Variants in PRTFDC1 observed in about 807,000 individuals in gnomAD.
PRTFDC1 encodes phosphoribosyl transferase domain containing 1.
Under a neutral mutation model 34.6 loss-of-function variants are expected in PRTFDC1, and 38 were observed. The observed-to-expected ratio is 1.10, with a 90% CI of 0.85 to 1.44. The LOEUF is 1.44. Ranked by LOEUF, PRTFDC1 falls within the 40% of genes most tolerant of loss-of-function variation. The pLI is 0.00. For missense variants in PRTFDC1, 270 were observed against 283.0 expected (o/e 0.95, Z 0.33); for synonymous variants, 93 against 98.1 (o/e 0.95, Z 0.31).
chr10:24,921,992 G>A (rs1383241882), intron 3 of PRTFDC1, among the ~76,000 whole-genome samples: 3 of 151,936 alleles, frequency 2.0e-5, no homozygotes, highest in Non-Finnish European at 4.4e-5. Context: ...ATTGTCAAAG[G>A]CATTATTTTT....
intron 3 of PRTFDC1, among the ~76,000 whole-genome samples, chr10:24,918,967 G>A (rs1018254429): frequency 6.6e-6 from 1 of 152,002 alleles, no homozygotes; most frequent in Non-Finnish European, 1.5e-5. Context: ...CCCCATTCTC[G>A]GCCAGCTCTA....
chr10:24,951,181 C>A (rs1218291382), intron 1 of PRTFDC1, among the ~76,000 whole-genome samples: 1 of 152,140 alleles, frequency 6.6e-6, no homozygotes, highest in Non-Finnish European at 1.5e-5. Flanking sequence ...TCAAAGGTCA[C>A]CGCAGAGAGG....
At chr10:24,901,646 T>G (rs1848451637) in intron 3 of PRTFDC1, among the ~76,000 whole-genome samples, 1 of 152,134 alleles carries the variant, frequency 6.6e-6, no homozygotes, top group Admixed American at 6.6e-5. Flanking sequence ...AAAGGATCGC[T>G]TGAGCCTGGT....
chr10:24,950,299 AT>A (rs939689363), intron 1 of PRTFDC1, among the ~76,000 whole-genome samples: 2 of 151,730 alleles, frequency 1.3e-5, no homozygotes, highest in South Asian at 2.1e-4. Flanking sequence ...CCAATTTCAG[AT>A]TTTTTTTCCT....
intron 1 of PRTFDC1, among the ~76,000 whole-genome samples, chr10:24,943,997 A>C (rs545168396): frequency 6.6e-6 from 1 of 152,240 alleles, no homozygotes; most frequent in South Asian, 2.1e-4. Context: ...AATGGTTTGC[A>C]GTCAAGTCAG....
At chr10:24,883,438 AGCTACAG>A (rs1410120261) in intron 3 of PRTFDC1, among the ~76,000 whole-genome samples, 17 of 152,234 alleles carry the variant, frequency 1.1e-4, no homozygotes, top group Non-Finnish European at 1.3e-4. Flanking sequence ...AATGGGAAGA[AGCTACAG>A]GCTAGTGGGA....
intron 3 of PRTFDC1, among the ~76,000 whole-genome samples, chr10:24,877,313 C>T (rs571154911): frequency 1.6e-4 from 24 of 151,996 alleles, no homozygotes; most frequent in African/African-American, 4.8e-4. Flanking sequence ...GGATTATGGC[C>T]GTGAGCCATC....
At chr10:24,866,348 G>A (rs1847774787) in intron 4 of PRTFDC1, among the ~76,000 whole-genome samples, 1 of 138,588 alleles carries the variant, frequency 7.2e-6, no homozygotes, top group Non-Finnish European at 1.5e-5. Context: ...GCGATAGAGC[G>A]AGATTCTGCC....
At chr10:24,912,020 G>A (rs1315925213) in intron 3 of PRTFDC1, among the ~76,000 whole-genome samples, 8 of 152,052 alleles carry the variant, frequency 5.3e-5, no homozygotes, top group Non-Finnish European at 7.4e-5. Context: ...TGTAATCCCA[G>A]CACTTTGGGA....
chr10:24,855,368 C>T lies in PRTFDC1; in HGVS notation c.507-4G>A. 1.2e-6 allele frequency: 2 copies of T among 1,613,900 alleles called. No homozygotes were observed. The highest frequency in any genetic ancestry group is 1.7e-6 in the Non-Finnish European group (2 of 1,179,898). On this transcript the variant is annotated splice_polypyrimidine_tract_variant and splice_region_variant and intron_variant, in intron 6 of 8. Transcript: ENST00000320152. ...GGATGTTCTCTTCACCAACAAACTA[C>T]CATTAAAAAAGACATGCTTTAGTGA...
At chr10:24,904,909 A>G (rs972919624) in intron 3 of PRTFDC1, among the ~76,000 whole-genome samples, 3 of 152,010 alleles carry the variant, frequency 2.0e-5, no homozygotes, top group African/African-American at 4.8e-5. Context: ...TTTCACTTTT[A>G]TCTCTTATCA....
intron 3 of PRTFDC1, among the ~76,000 whole-genome samples, chr10:24,915,985 G>A (rs1018925689): frequency 5.3e-5 from 8 of 152,028 alleles, no homozygotes; most frequent in Admixed American, 3.9e-4. Context: ...TGCTTATCTT[G>A]GATGTTTAGG....
At chr10:24,904,524 G>A (rs1031640480) in intron 3 of PRTFDC1, among the ~76,000 whole-genome samples, 2 of 152,142 alleles carry the variant, frequency 1.3e-5, no homozygotes, top group African/African-American at 2.4e-5. Context: ...AGGGAGGCAG[G>A]CAAGTCTGCT....
intron 4 of PRTFDC1, among the ~76,000 whole-genome samples, chr10:24,862,505 G>A (rs573281678): frequency 1.3e-5 from 2 of 152,194 alleles, no homozygotes; most frequent in Non-Finnish European, 2.9e-5. Context: ...CTCCCGAGTA[G>A]CTGGGATTAC....
intron 3 of PRTFDC1, among the ~76,000 whole-genome samples, chr10:24,901,242 A>G (rs532882244): frequency 6.6e-6 from 1 of 152,158 alleles, no homozygotes; most frequent in Admixed American, 6.5e-5. Context: ...CATCAAGTCA[A>G]TAAGAAAAAA....
chr10:24,879,190 T>C (rs1848023215), intron 3 of PRTFDC1, among the ~76,000 whole-genome samples: 1 of 152,120 alleles, frequency 6.6e-6, no homozygotes, highest in South Asian at 2.1e-4. Context: ...TTCCAATCAC[T>C]CGTTGATGTG....
At chr10:24,871,047 G>A (rs564319368) in intron 4 of PRTFDC1, among the ~76,000 whole-genome samples, 1 of 145,030 alleles carries the variant, frequency 6.9e-6, no homozygotes, top group African/African-American at 2.5e-5. Flanking sequence ...ACTCCAACCT[G>A]GGGACAGAGC....
chr10:24,869,904 T>C (rs527440323), intron 4 of PRTFDC1, among the ~76,000 whole-genome samples: 1 of 152,304 alleles, frequency 6.6e-6, no homozygotes, highest in South Asian at 2.1e-4. Flanking sequence ...ATCAAAGACT[T>C]CTTTCTAATT....
chr10:24,907,262 A>T (rs1246747639), intron 3 of PRTFDC1, among the ~76,000 whole-genome samples: 1 of 152,162 alleles, frequency 6.6e-6, no homozygotes, highest in African/African-American at 2.4e-5. Context: ...ATGAGGACTA[A>T]CAGTGACTTG....
Sources: allele counts gnomAD v4.1 joint callset (sites outside exome capture counted in the v4.1 genomes callset), GRCh38; gene constraint gnomAD v4.1.1; transcripts MANE v1.5; gene names NCBI Gene and HGNC (gene_info 2026-07-23, HGNC 2026-07-21).